The following TACR1 variants were observed in gnomAD, a reference collection of about 807,000 sequenced individuals.
TACR1 encodes the protein tachykinin receptor 1, also known as substance-P receptor.
Under a neutral mutation model 35.8 loss-of-function variants are expected in TACR1, and 25 were observed. The ratio of observed to expected loss-of-function variants is 0.70; its 90% CI spans 0.51 to 0.98. TACR1 has a LOEUF of 0.98. Ranked by LOEUF, TACR1 falls within the 50% of genes least tolerant of loss-of-function variation. The probability of loss-of-function intolerance (pLI) is 0.00; values close to 1 mark genes in which losing one functional copy is unlikely to be tolerated. For missense variants in TACR1, 478 were observed against 522.9 expected, an observed-to-expected ratio of 0.91 and a Z score of 0.84; for synonymous variants, 195 against 206.7, an observed-to-expected ratio of 0.94 and a Z score of 0.48.
At chr2:75,186,766 G>A (rs1294471935) in intron 1 of TACR1, 1 of 151,806 alleles carries the variant, frequency 6.6e-6, no homozygotes. Context: ...TTCTATTGCT[G>A]TACTCATCAA....
chr2:75,145,902 G>C (rs539420542), intron 1 of TACR1, among the ~76,000 whole-genome samples: 26 of 152,288 alleles, frequency 1.7e-4, no homozygotes, highest in African/African-American at 6.0e-4. Context: ...TTGAATTACA[G>C]ATCCAGCGAC....
intron 2 of TACR1, 74 bp downstream of exon 2, chr2:75,120,500 A>G (rs1388910668): frequency 1.5e-6 from 2 of 1,374,632 alleles, no homozygotes; most frequent in Non-Finnish European, 9.9e-7. Context: ...ATGGAAAGAA[A>G]GAAAGAGCAA....
chr2:75,137,728 C>CAAAAAAAAAAAAAAAA (rs11326632), intron 1 of TACR1, among the ~76,000 whole-genome samples: 4 of 47,516 alleles, frequency 8.4e-5, no homozygotes, highest in Non-Finnish European at 1.4e-4. Flanking sequence ...GTCTCCGTCT[C>CAAAAAAAAAAAAAAAA]AAAAAAAAAA....
At chr2:75,102,361 G>A (rs933844267) in intron 2 of TACR1, among the ~76,000 whole-genome samples, 5 of 151,650 alleles carry the variant, frequency 3.3e-5, no homozygotes, top group Non-Finnish European at 2.9e-5. Flanking sequence ...AAACCACTAA[G>A]TTTCGGAATG....
chr2:75,198,426 A>G (rs1265424383), intron 1 of TACR1, 120 bp downstream of exon 1: 6 of 1,213,842 alleles, frequency 4.9e-6, no homozygotes, highest in Non-Finnish European at 5.7e-6. Context: ...TGATCAGTAA[A>G]AAAACCCTCA....
At chr2:75,068,551 A>T (rs1161191923) in intron 2 of TACR1, among the ~76,000 whole-genome samples, 1 of 152,200 alleles carries the variant, frequency 6.6e-6, no homozygotes, top group Admixed American at 6.5e-5. Context: ...CTACCACCAT[A>T]AACATATTAA....
intron 2 of TACR1, among the ~76,000 whole-genome samples, chr2:75,075,751 CAT>C (rs200650831): frequency 0.02 from 2,984 of 152,194 alleles, 58 homozygotes; most frequent in Middle Eastern, 0.061. Flanking sequence ...TTGTTAGAGA[CAT>C]ATGTGAAATG....
rs1444934945 is a variant in TACR1 at position 75,048,767 on chromosome 2, C to T, written c.*665G>A. 1 of 152,152 alleles carries T rather than the reference C, an allele frequency of 6.6e-6. No homozygotes were observed. Among genetic ancestry groups the T allele is most frequent in the Non-Finnish European group, 1.5e-5 (1 of 68,076 alleles). The allele number at this position is 152,152 out of a possible 1,614,324, so 9.4% of individuals were successfully genotyped here. ...GGTCTGTAAGAGAACTAGCAGGTAT[C>T]AGTGGACATATTCTGCTTGCGTCGG... On this transcript the variant is annotated 3_prime_UTR_variant, in exon 5 of 5. Coordinates refer to ENST00000305249, the MANE Select transcript of TACR1 (RefSeq NM_001058.4).
At chr2:75,196,583 A>G (rs926733095) in intron 1 of TACR1, among the ~76,000 whole-genome samples, 1 of 152,070 alleles carries the variant, frequency 6.6e-6, no homozygotes, top group Non-Finnish European at 1.5e-5. Flanking sequence ...GCGGTGGTTT[A>G]CCTAGAGAAA....
chr2:75,120,866 C>T, intron 1 of TACR1, 98 bp from the exon 2 acceptor site: 2 of 940,206 alleles, frequency 2.1e-6, no homozygotes, highest in Non-Finnish European at 1.6e-6. Flanking sequence ...TCATAGAAAC[C>T]CTTTGATTCC....
At chr2:75,086,860 G>T (rs771797891) in intron 2 of TACR1, among the ~76,000 whole-genome samples, 2 of 152,178 alleles carry the variant, frequency 1.3e-5, no homozygotes, top group African/African-American at 2.4e-5. Flanking sequence ...TTTCCTAGCA[G>T]TGGGGATTTT....
chr2:75,137,749 A>AAAAAAAAG (rs1558565627), intron 1 of TACR1, among the ~76,000 whole-genome samples: 2 of 150,516 alleles, frequency 1.3e-5, no homozygotes, highest in Non-Finnish European at 3.0e-5. Flanking sequence ...AAAAAAAAAA[A>AAAAAAAAG]AAAAAAAGAA....
intron 1 of TACR1, among the ~76,000 whole-genome samples, chr2:75,184,897 A>G (rs544543461): frequency 8.6e-5 from 13 of 152,042 alleles, no homozygotes; most frequent in African/African-American, 3.1e-4. Flanking sequence ...ACACTGAAAA[A>G]AAACTTGATA....
chr2:75,128,961 G>T (rs1307767236), intron 1 of TACR1, among the ~76,000 whole-genome samples: 2 of 152,162 alleles, frequency 1.3e-5, no homozygotes, highest in African/African-American at 4.8e-5. Flanking sequence ...ACATTGACCT[G>T]TTTGCGATTT....
chr2:75,105,832 A>G (rs1673629573), intron 2 of TACR1, among the ~76,000 whole-genome samples: 1 of 151,988 alleles, frequency 6.6e-6, no homozygotes, highest in Non-Finnish European at 1.5e-5. Flanking sequence ...GGGATCTGCC[A>G]CAAAAAACCT....
chr2:75,055,286 A>G (rs1385211176), intron 2 of TACR1, among the ~76,000 whole-genome samples: 3 of 152,242 alleles, frequency 2.0e-5, no homozygotes, highest in Non-Finnish European at 4.4e-5. Flanking sequence ...GCATTTGAAG[A>G]TACTCAAAGA....
chr2:75,181,421 G>A (rs1022650132), intron 1 of TACR1, among the ~76,000 whole-genome samples: 3 of 152,018 alleles, frequency 2.0e-5, no homozygotes, highest in Non-Finnish European at 2.9e-5. Context: ...TCCAGACCAC[G>A]GGTTCTTAAC....
intron 2 of TACR1, among the ~76,000 whole-genome samples, chr2:75,099,926 T>C (rs1324398617): frequency 6.6e-6 from 1 of 152,174 alleles, no homozygotes; most frequent in Non-Finnish European, 1.5e-5. Flanking sequence ...CTGGGATGCA[T>C]TTCACAGGCG....
chr2:75,170,468 T>C (rs1350008906), intron 1 of TACR1, among the ~76,000 whole-genome samples: 1 of 152,130 alleles, frequency 6.6e-6, no homozygotes, highest in Admixed American at 6.5e-5. Context: ...TACAGTAAAT[T>C]GGTACTGGTA....
Sources: gnomAD v4.1 joint callset for allele counts (sites outside exome capture counted in the v4.1 genomes callset) on GRCh38, gnomAD v4.1.1 for gene constraint, MANE v1.5 for transcripts, NCBI Gene and HGNC (gene_info 2026-07-23, HGNC 2026-07-21) for gene names.